FRY: variants seen among roughly 807,000 people sequenced by gnomAD.
FRY encodes FRY microtubule binding protein.
Under a neutral mutation model 348.4 loss-of-function variants are expected in FRY, and 128 were observed. The observed-to-expected ratio is 0.37, with a 90% confidence interval of 0.32 to 0.43. The LOEUF (loss-of-function observed/expected upper bound fraction) is 0.43, where lower values mean the gene tolerates loss of function less well. Ranked by LOEUF, FRY falls within the 20% of genes least tolerant of loss-of-function variation. The probability of loss-of-function intolerance (pLI) is 1.00; values close to 1 mark genes in which losing one functional copy is unlikely to be tolerated. For missense variants in FRY, 2,736 were observed against 3,695.2 expected, an observed-to-expected ratio of 0.74 and a Z score of 6.73; for synonymous variants, 1,370 against 1,374.7, an observed-to-expected ratio of 1.00 and a Z score of 0.08.
intron 31 of FRY, among the ~76,000 whole-genome samples, chr13:32,207,614 T>C (rs1408086476): frequency 1.3e-5 from 2 of 152,210 alleles, no homozygotes; most frequent in African/African-American, 4.8e-5. Context: ...ATCAGTCACA[T>C]CCATAAATGT....
intron 1 of FRY, among the ~76,000 whole-genome samples, chr13:32,068,932 TTGAGACTGA>T (rs1874434660): frequency 1.1e-5 from 1 of 90,910 alleles, no homozygotes; most frequent in Non-Finnish European, 2.2e-5. Flanking sequence ...TTTTTTTTTT[TTGAGACTGA>T]GTCTCGCTCT....
At chr13:32,194,071 C>T (rs998115075) in intron 28 of FRY, 72 bp from the exon 29 acceptor site, 182 of 1,430,518 alleles carry the variant, frequency 1.3e-4, no homozygotes, top group Non-Finnish European at 1.7e-4. Flanking sequence ...ATTGACTAAG[C>T]TTTATCTGTA....
intron 55 of FRY, 66 bp from the exon 56 acceptor site, chr13:32,274,776 A>G (rs1398649443): frequency 2.0e-5 from 25 of 1,256,036 alleles, no homozygotes; most frequent in Non-Finnish European, 2.9e-5. Flanking sequence ...CCCCTCCCCC[A>G]AAATATGTTT....
At chr13:32,142,141 GA>G (rs1880111844) in intron 11 of FRY, among the ~76,000 whole-genome samples, 1 of 152,080 alleles carries the variant, frequency 6.6e-6, no homozygotes, top group South Asian at 2.1e-4. Context: ...TACAAAGACA[GA>G]AGAAGAAGAA....
rs1019762621 is a variant in FRY, at chr13:32,268,493, AAAAAAAAAAAAAAT to A, written c.8136+1136_8136+1149del. On this transcript the variant is annotated intron_variant, in intron 55 of 60. Transcript: ENST00000542859. The stretch of plus-strand genomic sequence containing the variant: ...TTAAAGAGAAAGCTAGTTTAAAAAA[AAAAAAAAAAAAAAT>A]ATATATATATATATATATATATATA... 2.3e-4 allele frequency among the ~76,000 whole-genome samples: 3 copies of A among 13,254 alleles called. 1 individual carries two copies. Among genetic ancestry groups the A allele is most frequent in the African/African-American group, 6.0e-4 (3 of 4,968 alleles). The allele number at this position is 13,254 out of a possible 152,430, so 8.7% of individuals were successfully genotyped here.
intron 35 of FRY, among the ~76,000 whole-genome samples, chr13:32,216,313 C>T (rs1201377016): frequency 6.6e-6 from 1 of 152,180 alleles, no homozygotes; most frequent in Admixed American, 6.5e-5. Context: ...CAGTTTTTTA[C>T]TTTTTCCTTG....
intron 4 of FRY, among the ~76,000 whole-genome samples, chr13:32,118,778 C>T (rs979402691): frequency 2.6e-5 from 4 of 152,136 alleles, no homozygotes; most frequent in Admixed American, 1.3e-4. Flanking sequence ...TTTAATTTAT[C>T]AGGTTTTAAA....
Position 32,202,520 on chromosome 13 carries a change from C to T in FRY, c.4011C>T (p.Leu1337=), listed in dbSNP as rs779681465. ...TGTACCCTGAGCTCACACTCCCCCTCTTCTCAGGTACCAGGCAATAGTCAA... is the reference window on the plus strand; with the variant it reads ...TGTACCCTGAGCTCACACTCCCCCTTTTCTCAGGTACCAGGCAATAGTCAA... The part of the protein sequence containing the change: ...ARMYPELTLP[L]FSEVSQRFPT... Residue 1337 remains leucine (L), a synonymous_variant, in exon 31 of 61, where the codon CTC becomes CTT. Transcript: ENST00000542859. The T allele has an allele frequency of 7.4e-6, 12 of 1,612,392 alleles. No homozygotes were observed. The East Asian group carries it at 2.5e-4, about 33-fold the overall frequency.
chr13:32,112,900 G>A (rs951596607), intron 3 of FRY, among the ~76,000 whole-genome samples: 8 of 152,116 alleles, frequency 5.3e-5, no homozygotes, highest in African/African-American at 1.9e-4. Flanking sequence ...CAATTTAACT[G>A]GCATTGGATT....
In FRY at chr13:32,294,590, T is replaced by C. The variant is rs373802588; in HGVS notation, c.8783+20T>C. Reference sequence around the variant, plus strand: ...GTGCAGGTGACTCTGCTATTTCTTTTAGAGGTGGTTGCAGGAAATGCACAC... The same window carrying C: ...GTGCAGGTGACTCTGCTATTTCTTTCAGAGGTGGTTGCAGGAAATGCACAC... On this transcript the variant is annotated intron_variant, in intron 60 of 60. Transcript: ENST00000542859. 63 of 1,590,728 alleles carry C rather than the reference T, an allele frequency of 4.0e-5. No homozygotes were observed. The highest frequency in any genetic ancestry group is 3.8e-4 in the East Asian group (17 of 44,776).
intron 58 of FRY, among the ~76,000 whole-genome samples, chr13:32,286,153 T>C (rs2138634897): frequency 6.6e-6 from 1 of 152,350 alleles, no homozygotes; most frequent in East Asian, 1.9e-4. Context: ...TTGTCGATAC[T>C]AATTAATAAG....
intron 15 of FRY, among the ~76,000 whole-genome samples, chr13:32,156,895 C>T (rs560665077): frequency 3.2e-4 from 49 of 152,012 alleles, no homozygotes; most frequent in Admixed American, 7.2e-4. Flanking sequence ...AAAGTCCTAA[C>T]CCCCAATGAG....
chr13:32,236,221 G>A, intron 43 of FRY, 49 bp downstream of exon 43: 5 of 1,288,654 alleles, frequency 3.9e-6, no homozygotes, highest in Non-Finnish European at 5.7e-6. Flanking sequence ...CTGCACAGGA[G>A]TATTTGGGAG....
rs1040336181 is a variant in FRY at position 32,261,815 on chromosome 13, T to G, written c.7616T>G (p.Leu2539Arg). ...AGCCAGATCCTGGAGCACTCAGACC[T>G]AGTAAGTAGCGGCTCTCCCACTCTA... ...TASQILEHSD[L>R]IMTLSPSEET... Residue 2539 changes from leucine (L) to arginine (R), a missense_variant and splice_region_variant, in exon 52 of 61, where the codon CTA (leucine) becomes CGA (arginine). By Grantham distance (102) the Leu-to-Arg change is moderately radical. This residue lies in a region of FRY where 789 missense variants were observed against 996.2 expected (regional missense o/e 0.79). Transcript: ENST00000542859. The G allele has an allele frequency of 8.1e-6, 13 of 1,613,760 alleles. No homozygotes were observed. The highest frequency in any genetic ancestry group is 1.0e-5 in the Non-Finnish European group (12 of 1,179,638).
rs201111790 is a variant in FRY, at chr13:32,038,744, T to C, written c.70+6879T>C. 6 of 152,202 alleles carry C rather than the reference T, an allele frequency of 3.9e-5. No homozygotes were observed. In the East Asian group the frequency reaches 7.7e-4, roughly 20 times the overall value. 9.4% of individuals were successfully genotyped at this position (152,202 alleles called of 1,614,324 possible). ...GCTTTTCCATAAGACCATCTTTACT[T>C]ACCTTTCAGTGCTGGATTATACTGC... is the stretch of plus-strand genomic sequence containing the variant. On this transcript the variant is annotated intron_variant, in intron 1 of 60. Coordinates refer to ENST00000542859, the MANE Select transcript of FRY (RefSeq NM_023037.3).
At chr13:32,146,048 T>C (rs1235004357) in intron 11 of FRY, among the ~76,000 whole-genome samples, 2 of 152,132 alleles carry the variant, frequency 1.3e-5, no homozygotes, top group African/African-American at 4.8e-5. Context: ...TACTGCTCCT[T>C]CACCTGGCCT....
intron 41 of FRY, among the ~76,000 whole-genome samples, chr13:32,232,912 G>T (rs1885997183): frequency 6.6e-6 from 1 of 152,120 alleles, no homozygotes; most frequent in Non-Finnish European, 1.5e-5. Context: ...ATGAGCATTT[G>T]CTCATTTGAA....
chr13:32,097,964 A>G (rs1246885423), intron 2 of FRY, among the ~76,000 whole-genome samples: 1 of 103,658 alleles, frequency 9.6e-6, no homozygotes, highest in Non-Finnish European at 2.4e-5. Flanking sequence ...TTTAAAACTT[A>G]AAACAAGACA....
chr13:32,250,935 C>G (rs540346375), intron 49 of FRY, among the ~76,000 whole-genome samples: 2 of 152,214 alleles, frequency 1.3e-5, no homozygotes, highest in Non-Finnish European at 2.9e-5. Context: ...TTTAGCGAGT[C>G]TTCTGCCATT....
Sources: gnomAD v4.1 joint callset for allele counts (sites outside exome capture counted in the v4.1 genomes callset) on GRCh38, gnomAD v4.1.1 for gene constraint, gnomAD v4.1.1 regional missense constraint, MANE v1.5 for transcripts, NCBI Gene and HGNC (gene_info 2026-07-23, HGNC 2026-07-21) for gene names.